ABL2: variants seen among roughly 807,000 people sequenced by gnomAD.
ABL2 encodes ABL proto-oncogene 2, non-receptor tyrosine kinase.
Under a neutral mutation model 107.7 loss-of-function variants are expected in ABL2, and 49 were observed. That is an observed-to-expected ratio of 0.45 (90% CI 0.36 to 0.58). The LOEUF (loss-of-function observed/expected upper bound fraction) is 0.58, where lower values mean the gene tolerates loss of function less well. Ranked by LOEUF, ABL2 falls within the 20% of genes least tolerant of loss-of-function variation. The pLI is 0.00. For missense variants in ABL2, 1,245 were observed against 1,457.0 expected (o/e 0.85, Z 2.37); for synonymous variants, 549 against 548.6 (o/e 1.00, Z -0.01).
At chr1:179,216,351 A>C (rs1457182060) in intron 1 of ABL2, among the ~76,000 whole-genome samples, 1 of 152,266 alleles carries the variant, frequency 6.6e-6, no homozygotes, top group Non-Finnish European at 1.5e-5. Context: ...TAATGACAAC[A>C]AATTTACATA....
chr1:179,102,871 G>A lies in ABL2; in HGVS notation c.*4847C>T. 4.4e-6 allele frequency: 1 copy of A among 226,182 alleles called. No individual in the cohort carries two copies. 14.0% of individuals were successfully genotyped at this position (226,182 alleles called of 1,614,324 possible). On this transcript the variant is annotated 3_prime_UTR_variant, in exon 12 of 12. Transcript: ENST00000502732. ...GAAAAAAAAGATGACAAATGTCAAT[G>A]TCATTTATAACTGGTAGGAAATCCT...
chr1:179,215,923 C>A (rs1189757127), intron 1 of ABL2, among the ~76,000 whole-genome samples: 2 of 151,872 alleles, frequency 1.3e-5, no homozygotes, highest in Non-Finnish European at 2.9e-5. Context: ...TTTTAATTTG[C>A]TGGAATTAGC....
chr1:179,125,886 TCTAA>T (rs1289763378), intron 4 of ABL2, among the ~76,000 whole-genome samples: 18 of 152,348 alleles, frequency 1.2e-4, no homozygotes, highest in South Asian at 2.1e-4. Context: ...ACACATCCAT[TCTAA>T]CTAACATGGT....
intron 1 of ABL2, chr1:179,184,593 A>G: frequency 1.8e-6 from 1 of 557,590 alleles, no homozygotes; most frequent in Non-Finnish European, 3.3e-6. Flanking sequence ...AGGAGGAGGA[A>G]GAGGAAGGAT....
chr1:179,201,686 G>T, intron 1 of ABL2: 1 of 606,442 alleles, frequency 1.6e-6, no homozygotes, highest in Non-Finnish European at 3.0e-6. Context: ...CTGAAGAGTT[G>T]TCTTTCTTGA....
At chr1:179,111,138 C>T (rs1186488559) in intron 10 of ABL2, among the ~76,000 whole-genome samples, 1 of 151,658 alleles carries the variant, frequency 6.6e-6, no homozygotes, top group African/African-American at 2.4e-5. Context: ...AGCCCGCCAC[C>T]ACACCCAGCT....
intron 1 of ABL2, among the ~76,000 whole-genome samples, chr1:179,157,730 A>G (rs1658794818): frequency 6.7e-6 from 1 of 149,560 alleles, no homozygotes; most frequent in East Asian, 2.0e-4. Context: ...TTTGAGACAG[A>G]GTCTCGCTCT....
At chr1:179,227,893 C>T (rs1393881692) in intron 1 of ABL2, among the ~76,000 whole-genome samples, 1 of 151,392 alleles carries the variant, frequency 6.6e-6, no homozygotes, top group East Asian at 1.9e-4. Context: ...CTACTAAAAA[C>T]ACAAAAAATT....
chr1:179,114,726 T>C, intron 9 of ABL2, 152 bp downstream of exon 9: 1 of 729,342 alleles, frequency 1.4e-6, no homozygotes, highest in Non-Finnish European at 2.0e-6. Context: ...TGGTATATGA[T>C]ATGACAACTG....
At chr1:179,151,063 G>GCCT (rs1415827280) in intron 1 of ABL2, among the ~76,000 whole-genome samples, 1 of 152,086 alleles carries the variant, frequency 6.6e-6, no homozygotes, top group African/African-American at 2.4e-5. Context: ...GTAGACCACA[G>GCCT]TATAGCATGA....
At chr1:179,203,895 G>A (rs546386606) in intron 1 of ABL2, among the ~76,000 whole-genome samples, 12 of 152,208 alleles carry the variant, frequency 7.9e-5, no homozygotes, top group African/African-American at 2.2e-4. Context: ...GTGGCCTTGC[G>A]CACGTTATTT....
intron 10 of ABL2, among the ~76,000 whole-genome samples, chr1:179,111,522 C>A (rs1654080529): frequency 1.3e-5 from 2 of 149,678 alleles, no homozygotes; most frequent in Non-Finnish European, 1.5e-5. Context: ...CTGACCCCAA[C>A]TGATCCACCT....
Position 179,213,178 on chromosome 1 carries a change from CAT to C in ABL2, c.157+16061_157+16062del, listed in dbSNP as rs576644710. Among the ~76,000 whole-genome samples the C allele has an allele frequency of 3.6e-3, 540 of 151,150 alleles. 4 individuals carry two copies. The highest frequency in any genetic ancestry group is 0.013 in the African/African-American group (519 of 41,148). The stretch of plus-strand genomic sequence containing the variant: ...TGTCTATCTAAAATATTATTTAAAA[CAT>C]GTAATCAATATAAAAAAATTAATGC... On this transcript the variant is annotated intron_variant, in intron 1 of 11. Transcript: ENST00000502732.
Position 179,105,177 on chromosome 1 carries a change from CTGAG to C in ABL2, c.*2537_*2540del. 4.3e-6 allele frequency: 1 copy of C among 230,820 alleles called. No homozygotes were observed. Among genetic ancestry groups the C allele is most frequent in the Non-Finnish European group, 8.6e-6 (1 of 116,542 alleles). 14.3% of individuals were successfully genotyped at this position (230,820 alleles called of 1,614,324 possible). A position where few individuals can be genotyped will look rare whatever the true frequency, so the allele number is the denominator to read the frequency against. On this transcript the variant is annotated 3_prime_UTR_variant, in exon 12 of 12. Transcript: ENST00000502732. ...TAGGCAAGACAGCTAGGTGCTGCCC[CTGAG>C]TAAGACACAGCCCCCACCCCCTACC...
intron 1 of ABL2, among the ~76,000 whole-genome samples, chr1:179,144,328 C>T (rs979460494): frequency 6.6e-5 from 10 of 151,866 alleles, no homozygotes; most frequent in Non-Finnish European, 1.2e-4. Flanking sequence ...GGCATGGTGG[C>T]GGGCGCCTGT....
rs980291370 is a variant in ABL2, at chr1:179,118,956, T to C, written c.1046-192A>G. Reference sequence around the variant, plus strand: ...TTTATAAGGGAGTCCTTGCTTTCACTGTATTGTTCTCTGGGAATTCATATG... The same window carrying C: ...TTTATAAGGGAGTCCTTGCTTTCACCGTATTGTTCTCTGGGAATTCATATG... On this transcript the variant is annotated intron_variant, in intron 6 of 11. Coordinates refer to ENST00000502732, the MANE Select transcript of ABL2 (RefSeq NM_007314.4). Among the ~76,000 whole-genome samples the C allele has an allele frequency of 3.3e-5, 5 of 152,212 alleles. No homozygotes were observed. The East Asian group carries it at 7.7e-4, about 23-fold the overall frequency.
chr1:179,203,974 A>G (rs998304969), intron 1 of ABL2, among the ~76,000 whole-genome samples: 6 of 152,154 alleles, frequency 3.9e-5, no homozygotes, highest in African/African-American at 1.4e-4. Context: ...TAATAGAAAG[A>G]GCTGATGTGA....
At chr1:179,223,734 G>C (rs1254488181) in intron 1 of ABL2, among the ~76,000 whole-genome samples, 3 of 151,880 alleles carry the variant, frequency 2.0e-5, no homozygotes, top group African/African-American at 7.3e-5. Flanking sequence ...CTTATATTAA[G>C]TCACCACAAT....
At chr1:179,134,782 T>C (rs966830596) in intron 1 of ABL2, among the ~76,000 whole-genome samples, 7 of 151,880 alleles carry the variant, frequency 4.6e-5, no homozygotes, top group Non-Finnish European at 1.0e-4. Flanking sequence ...GATGCCGAGC[T>C]GAAGCTGGAC....
Sources: gnomAD v4.1 joint callset for allele counts (sites outside exome capture counted in the v4.1 genomes callset) on GRCh38, gnomAD v4.1.1 for gene constraint, MANE v1.5 for transcripts, NCBI Gene and HGNC (gene_info 2026-07-23, HGNC 2026-07-21) for gene names.